PTPRT: variants seen among roughly 807,000 people sequenced by gnomAD.
PTPRT encodes the protein protein tyrosine phosphatase receptor type T, also known as receptor-type tyrosine-protein phosphatase T.
In PTPRT, 56 loss-of-function variants were observed where a neutral mutation model predicts 176.8. The observed-to-expected ratio is 0.32, with a 90% CI of 0.26 to 0.40. PTPRT has a LOEUF of 0.40. PTPRT is among the 10% of genes least tolerant of loss of function. PTPRT has a pLI of 1.00. For missense variants in PTPRT, 1,540 were observed against 1,908.2 expected (o/e 0.81, Z 3.60); for synonymous variants, 783 against 739.0 (o/e 1.06, Z -0.96).
chr20:42,664,163 A>G (rs2075273411), intron 7 of PTPRT, among the ~76,000 whole-genome samples: 2 of 152,242 alleles, frequency 1.3e-5, no homozygotes, highest in African/African-American at 4.8e-5. Context: ...CATTTTTAAT[A>G]CGCTTTTTGC....
chr20:42,761,308 C>T (rs1397532338), intron 5 of PTPRT, among the ~76,000 whole-genome samples: 1 of 152,072 alleles, frequency 6.6e-6, no homozygotes, highest in African/African-American at 2.4e-5. Context: ...GTGGCGCATG[C>T]CTGTAATCCC....
At chr20:42,058,810 A>C in the PTPRT span, among the ~76,000 whole-genome samples, 2 of 152,040 alleles carry the variant, frequency 1.3e-5, no homozygotes, top group Admixed American at 6.5e-5. Context: ...GCTCCCAAAC[A>C]AGGCCTAATG....
intron 1 of PTPRT, among the ~76,000 whole-genome samples, chr20:43,130,398 G>A (rs1459645087): frequency 6.6e-6 from 1 of 151,772 alleles, no homozygotes; most frequent in East Asian, 1.9e-4. Flanking sequence ...AATATTTATT[G>A]GTACCCCCTG....
At chr20:42,055,127 C>T in the PTPRT span, among the ~76,000 whole-genome samples, 3,011 of 152,248 alleles carry the variant, frequency 0.02, 107 homozygotes, top group African/African-American at 0.069. Flanking sequence ...CATTGCTTTT[C>T]GGGAGTATTC....
intron 11 of PTPRT, among the ~76,000 whole-genome samples, chr20:42,342,389 T>C (rs2058125162): frequency 6.6e-6 from 1 of 152,188 alleles, no homozygotes; most frequent in Non-Finnish European, 1.5e-5. Context: ...CTACGTCTTC[T>C]CCCAGGTTAT....
chr20:42,571,163 A>G (rs1372292646), intron 7 of PTPRT, among the ~76,000 whole-genome samples: 2 of 152,246 alleles, frequency 1.3e-5, no homozygotes, highest in African/African-American at 4.8e-5. Context: ...TACGCTTTGC[A>G]TAACAAGTGT....
intron 16 of PTPRT, among the ~76,000 whole-genome samples, chr20:42,182,937 T>TGTGTGA (rs1490530341): frequency 7.2e-6 from 1 of 139,382 alleles, no homozygotes; most frequent in Non-Finnish European, 1.6e-5. Context: ...TGTGTGTGTG[T>TGTGTGA]GTGTGTGTAA....
intron 7 of PTPRT, among the ~76,000 whole-genome samples, chr20:42,608,953 T>C (rs1056122023): frequency 1.5e-4 from 23 of 152,264 alleles, no homozygotes; most frequent in African/African-American, 5.3e-4. Context: ...TTGGGGGCCA[T>C]GTTTTAAAGC....
intron 1 of PTPRT, among the ~76,000 whole-genome samples, chr20:42,946,568 T>A (rs1980896067): frequency 6.6e-6 from 1 of 152,182 alleles, no homozygotes; most frequent in Non-Finnish European, 1.5e-5. Context: ...TGTTATCAGT[T>A]CCTTAGACAG....
At chr20:43,111,025 T>A (rs1208370923) in intron 1 of PTPRT, among the ~76,000 whole-genome samples, 1 of 151,950 alleles carries the variant, frequency 6.6e-6, no homozygotes, top group African/African-American at 2.4e-5. Flanking sequence ...CTACTACATC[T>A]GGAAATGGCT....
intron 5 of PTPRT, 89 bp downstream of exon 5, chr20:42,771,346 C>T: frequency 8.6e-7 from 1 of 1,159,584 alleles, no homozygotes. Flanking sequence ...GTTCAATACA[C>T]TTGTGTTGCC....
At chr20:42,437,215 CA>C (rs2059269951) in intron 9 of PTPRT, among the ~76,000 whole-genome samples, 3 of 152,156 alleles carry the variant, frequency 2.0e-5, no homozygotes, top group Admixed American at 6.5e-5. Flanking sequence ...GACCCATGCA[CA>C]GACCAATACA....
chr20:42,788,946 C>T (rs751366107), intron 3 of PTPRT, among the ~76,000 whole-genome samples: 4 of 152,192 alleles, frequency 2.6e-5, no homozygotes, highest in East Asian at 3.9e-4. Flanking sequence ...GCTACTGAAG[C>T]GTGGCTAATG....
intron 17 of PTPRT, among the ~76,000 whole-genome samples, chr20:42,151,031 C>A (rs1160465656): frequency 9.9e-5 from 15 of 152,148 alleles, no homozygotes; most frequent in Admixed American, 9.2e-4. Flanking sequence ...AATCTTCCAT[C>A]TTCCATATCC....
intron 3 of PTPRT, among the ~76,000 whole-genome samples, chr20:42,790,737 A>ATCT (rs1470177139): frequency 6.6e-6 from 1 of 152,132 alleles, no homozygotes; most frequent in African/African-American, 2.4e-5. Context: ...TTCAAGATTC[A>ATCT]TCTTAGATGT....
intron 2 of PTPRT, among the ~76,000 whole-genome samples, chr20:42,855,043 G>A (rs1468485341): frequency 6.6e-6 from 1 of 152,196 alleles, no homozygotes; most frequent in Non-Finnish European, 1.5e-5. Context: ...GGTAACCCAG[G>A]ATCTGGGCCT....
Position 43,143,769 on chromosome 20 carries a change from G to C in PTPRT, c.88+45877C>G, listed in dbSNP as rs146966915. Among the ~76,000 whole-genome samples, 154 of 152,324 alleles carry C rather than the reference G, an allele frequency of 1.0e-3. 1 individual carries two copies. In the Middle Eastern group the frequency reaches 0.01, roughly 10 times the overall value. ...CACAGAAAGAGGCAGACAGACAGCA[G>C]AATCAACCAAGGGACCTTGCTTGAT... is the stretch of plus-strand genomic sequence containing the variant. On this transcript the variant is annotated intron_variant, in intron 1 of 30. Coordinates refer to ENST00000373187, the MANE Select transcript of PTPRT (RefSeq NM_007050.6).
intron 1 of PTPRT, among the ~76,000 whole-genome samples, chr20:43,106,835 G>C (rs2012636693): frequency 2.0e-5 from 3 of 151,840 alleles, no homozygotes; most frequent in African/African-American, 7.3e-5. Context: ...TTGTTGCCTA[G>C]GCTAGAGTGC....
chr20:43,149,422 AACAG>A (rs1436171172), intron 1 of PTPRT, among the ~76,000 whole-genome samples: 1 of 152,248 alleles, frequency 6.6e-6, no homozygotes, highest in African/African-American at 2.4e-5. Context: ...AGGTAATTAT[AACAG>A]ACAATGTATA....
Sources: allele counts gnomAD v4.1 joint callset (sites outside exome capture counted in the v4.1 genomes callset), GRCh38; gene constraint gnomAD v4.1.1; transcripts MANE v1.5; gene names NCBI Gene and HGNC (gene_info 2026-07-23, HGNC 2026-07-21).